The following CYP4A22 variants were observed in gnomAD, a reference collection of about 807,000 sequenced individuals.
The protein encoded by CYP4A22 is cytochrome P450 4A22.
A neutral mutation model predicts 56.2 loss-of-function variants in CYP4A22; 46 were observed. That is an observed-to-expected ratio of 0.82 (90% CI 0.65 to 1.05). The LOEUF is 1.05. Ranked by LOEUF, CYP4A22 falls within the 50% of genes least tolerant of loss-of-function variation. The pLI is 0.00. For missense variants in CYP4A22, 541 were observed against 645.9 expected, an observed-to-expected ratio of 0.84 and a Z score of 1.76; for synonymous variants, 193 against 251.1, an observed-to-expected ratio of 0.77 and a Z score of 2.19.
At chr1:47,141,674 G>A in intron 3 of CYP4A22, 59 bp downstream of exon 3, 1 of 1,588,486 alleles carries the variant, frequency 6.3e-7, no homozygotes, top group Non-Finnish European at 8.6e-7. Context: ...TTATTTATTT[G>A]GCTCACAGAG....
At chr1:47,146,949 A>G in intron 11 of CYP4A22, 2 of 985,460 alleles carry the variant, frequency 2.0e-6, no homozygotes, top group Non-Finnish European at 2.4e-6. Flanking sequence ...TATAACGCAC[A>G]ACATTTGAAG....
intron 1 of CYP4A22, 59 bp from the exon 2 acceptor site, chr1:47,140,721 C>A: frequency 5.6e-6 from 9 of 1,599,514 alleles, no homozygotes; most frequent in South Asian, 3.4e-5. Flanking sequence ...CTGCCCTTCA[C>A]TCCTGCTGCA....
chr1:47,143,151 C>G lies in CYP4A22; in HGVS notation c.511-118C>G, dbSNP rs923944647. 1.1e-5 allele frequency: 16 copies of G among 1,515,298 alleles called. No individual in the cohort carries two copies. In the African/African-American group the frequency reaches 1.9e-4, roughly 18 times the overall value. 93.9% of individuals were successfully genotyped at this position (1,515,298 alleles called of 1,614,324 possible). A position where few individuals can be genotyped will look rare whatever the true frequency, so the allele number is the denominator to read the frequency against. On this transcript the variant is annotated intron_variant, in intron 4 of 11. Transcript: ENST00000371891. The stretch of plus-strand genomic sequence containing the variant: ...GCTCTGTAAAGTGAAGAATCCCAAC[C>G]AAGATATCTGCAAGCTACAGGAAAA...
intron 9 of CYP4A22, 82 bp downstream of exon 9, chr1:47,145,052 C>G: frequency 6.4e-7 from 1 of 1,564,556 alleles, no homozygotes; most frequent in Non-Finnish European, 8.7e-7. Context: ...CTTCAGAGTT[C>G]TGCACATCTC....
Position 47,140,687 on chromosome 1 carries a change from T to A in CYP4A22, c.196-93T>A, listed in dbSNP as rs545427922. 4 of 1,547,500 alleles carry A rather than the reference T, an allele frequency of 2.6e-6. No homozygotes were observed. The East Asian group carries it at 9.0e-5, about 35-fold the overall frequency. ...GAAACAGATCTAAATCCCTAACCCG[T>A]GCTACATGGCTCCTGTAGTTGTCCT... is the stretch of plus-strand genomic sequence containing the variant. On this transcript the variant is annotated intron_variant, in intron 1 of 11. Coordinates refer to ENST00000371891, the MANE Select transcript of CYP4A22 (RefSeq NM_001010969.4).
chr1:47,147,031 T>A, intron 11 of CYP4A22: 1 of 985,476 alleles, frequency 1.0e-6, no homozygotes, highest in Non-Finnish European at 1.2e-6. Flanking sequence ...CCAGAATGGC[T>A]GCGGTGGAAA....
At chr1:47,146,541 C>T (rs1473678712) in intron 11 of CYP4A22, 4 of 1,097,662 alleles carry the variant, frequency 3.6e-6, no homozygotes, top group Non-Finnish European at 4.5e-6. Flanking sequence ...GTAGATTTCT[C>T]TCTCCCCACA....
At chr1:47,141,895 C>T (rs143149625) in intron 3 of CYP4A22, among the ~76,000 whole-genome samples, 1 of 152,336 alleles carries the variant, frequency 6.6e-6, no homozygotes, top group African/African-American at 2.4e-5. Flanking sequence ...CTTTATCTCA[C>T]AGCTGTCATA....
At position 47,145,884 on chromosome 1, in the gene CYP4A22, C is replaced by T. The variant is rs112631646; in HGVS notation, c.1241C>T (p.Ser414Phe). Residue 414 changes from serine to phenylalanine, a missense_variant, in exon 10 of 12, where the codon TCC becomes TTC. Physicochemically the swap from Ser to Phe is radical, Grantham distance 155 (BLOSUM62 -2). This residue lies in a region of CYP4A22 where 204 missense variants were observed against 258.9 expected (regional missense o/e 0.79). Transcript: ENST00000371891. ...SLPKGIMVLL[S>F]IYGLHHNPKV... Reference sequence around the variant, plus strand: ...ACCACAGGTATCATGGTCCTCCTCTCCATTTATGGCCTTCACCACAACCCA... The same window carrying T: ...ACCACAGGTATCATGGTCCTCCTCTTCATTTATGGCCTTCACCACAACCCA... The T allele has an allele frequency of 4.6e-4, 744 of 1,614,150 alleles. 4 individuals are homozygous for T. The African/African-American group carries it at 8.8e-3, about 19-fold the overall frequency.
At position 47,143,277 on chromosome 1, in the gene CYP4A22, G is replaced by T. The variant is rs571262150; in HGVS notation, c.519G>T (p.Trp173Cys). ...GCCCCCTCCCACCACAGGACAAATGGGAAGAGCTCCTTGGCCAGGATTCCC... is the reference window on the plus strand; with the variant it reads ...GCCCCCTCCCACCACAGGACAAATGTGAAGAGCTCCTTGGCCAGGATTCCC... ...ADSVRVMLDKWEELLGQDSPL... is the reference protein window; with the variant it reads ...ADSVRVMLDKCEELLGQDSPL... The change falls in exon 5 of 12, where the codon TGG becomes TGT. Residue 173 changes from tryptophan to cysteine, a missense_variant. By Grantham distance (215) the Trp-to-Cys change is radical. Coordinates refer to ENST00000371891, the MANE Select transcript of CYP4A22 (RefSeq NM_001010969.4). 37 of 1,611,960 alleles carry T rather than the reference G, an allele frequency of 2.3e-5. No individual in the cohort carries two copies. In the South Asian group the frequency reaches 3.8e-4, roughly 16 times the overall value.
chr1:47,145,521 A>G (rs1409421289), intron 9 of CYP4A22, among the ~76,000 whole-genome samples: 3 of 152,178 alleles, frequency 2.0e-5, no homozygotes, highest in South Asian at 2.1e-4. Context: ...AGAGCAAAAG[A>G]ATGTCTTCCT....
In CYP4A22 at chr1:47,148,785, G is replaced by C; in HGVS notation, c.1548G>C (p.Lys516Asn). The stretch of plus-strand genomic sequence containing the variant: ...GGCTCCCTAACCCTTGTGAAGACAA[G>C]GACCAGCTTTGAGGGCCTCCACCTG... ...LRRLPNPCED[K>N]DQL is the part of the protein sequence containing the mutation. Residue 516 changes from lysine (K) to asparagine (N), a missense_variant, in exon 12 of 12, where the codon AAG becomes AAC. Transcript: ENST00000371891. The C allele has an allele frequency of 6.2e-7, 1 of 1,607,052 alleles. No homozygotes were observed.
intron 11 of CYP4A22, chr1:47,147,332 T>A: frequency 8.1e-6 from 8 of 985,278 alleles, no homozygotes; most frequent in Non-Finnish European, 9.6e-6. Flanking sequence ...TATTTTACTC[T>A]CAGTGTATTT....
rs768373230 is a variant in CYP4A22 at position 47,137,700 on chromosome 1, G to A, written c.195+20G>A. On this transcript the variant is annotated intron_variant, in intron 1 of 11. Transcript: ENST00000371891. ...CAGGAGGTAGGGAGGAACTCAGTGGGGGAGTGGGAGGGCAAGGAGGGATGC... is the reference window on the plus strand; with the variant it reads ...CAGGAGGTAGGGAGGAACTCAGTGGAGGAGTGGGAGGGCAAGGAGGGATGC... The A allele has an allele frequency of 1.3e-6, 2 of 1,593,814 alleles. No individual in the cohort carries two copies. The highest frequency in any genetic ancestry group is 1.7e-5 in the Admixed American group (1 of 58,300).
intron 3 of CYP4A22, 141 bp downstream of exon 3, chr1:47,141,756 GACC>G: frequency 4.3e-6 from 5 of 1,164,648 alleles, no homozygotes; most frequent in Non-Finnish European, 6.0e-6. Flanking sequence ...CTTCTAACAA[GACC>G]CTCACCCCTT....
chr1:47,145,024 G>A, intron 9 of CYP4A22, 54 bp downstream of exon 9: 3 of 1,603,236 alleles, frequency 1.9e-6, no homozygotes, highest in Non-Finnish European at 2.6e-6. Context: ...CGTGTGGAGG[G>A]TGAGAAATCC....
rs945617395 is a variant in CYP4A22 at position 47,141,446 on chromosome 1, G to A, written c.338-125G>A. 1.3e-5 allele frequency: 14 copies of A among 1,042,556 alleles called. No homozygotes were observed. In the Admixed American group the frequency reaches 3.0e-4, roughly 23 times the overall value. 64.6% of individuals were successfully genotyped at this position (1,042,556 alleles called of 1,614,324 possible). ...CTTCAGGACAGAAATAGAAGTGGAT[G>A]GGAGTCAAGTGGGAGGTGACATGGG... On this transcript the variant is annotated intron_variant, in intron 2 of 11. Coordinates refer to ENST00000371891, the MANE Select transcript of CYP4A22 (RefSeq NM_001010969.4).
At position 47,143,793 on chromosome 1, in the gene CYP4A22, G is replaced by T; in HGVS notation, c.667G>T (p.Asp223Tyr). 1 of 1,613,698 alleles carries T rather than the reference G, an allele frequency of 6.2e-7. No homozygotes were observed. Among genetic ancestry groups the T allele is most frequent in the South Asian group, 1.1e-5 (1 of 91,022 alleles). Residue 223 changes from aspartate (D) to tyrosine (Y), a missense_variant, in exon 6 of 12, where the codon GAC becomes TAC. This residue lies in a region of CYP4A22 where 335 missense variants were observed against 361.2 expected (regional missense o/e 0.93). Transcript: ENST00000371891. The stretch of plus-strand genomic sequence containing the variant: ...TCAGTCCTACATCCAGGCCATTAGT[G>T]ACCTGAACAGCCTGGTTTTTTGCTG... ...NSQSYIQAIS[D>Y]LNSLVFCCMR...
chr1:47,146,551 A>G, intron 11 of CYP4A22: 1 of 1,095,486 alleles, frequency 9.1e-7, no homozygotes, highest in Middle Eastern at 4.3e-4. Flanking sequence ...CTCTCCCCAC[A>G]CATCCTCAAT....
Sources: gnomAD v4.1 joint callset for allele counts (sites outside exome capture counted in the v4.1 genomes callset) on GRCh38, gnomAD v4.1.1 for gene constraint, gnomAD v4.1.1 regional missense constraint, MANE v1.5 for transcripts, NCBI Gene and HGNC (gene_info 2026-07-23, HGNC 2026-07-21) for gene names.